The following PCDH15 variants were observed in gnomAD, a reference collection of about 807,000 sequenced individuals.
PCDH15 encodes the protein protocadherin related 15, also known as protocadherin-15.
Under a neutral mutation model 178.5 loss-of-function variants are expected in PCDH15, and 129 were observed. The ratio of observed to expected loss-of-function variants is 0.72; its 90% confidence interval spans 0.63 to 0.84. The LOEUF is 0.84. PCDH15 is among the 40% of genes least tolerant of loss of function. The pLI is 0.00. For synonymous variants in PCDH15, 800 were observed against 732.0 expected (o/e 1.09, Z -1.50); for missense variants, 2,230 against 2,099.9 (o/e 1.06, Z -1.21).
intron 8 of PCDH15, among the ~76,000 whole-genome samples, chr10:54,306,599 T>G (rs2060485987): frequency 6.6e-6 from 1 of 152,006 alleles, no homozygotes; most frequent in South Asian, 2.1e-4. Flanking sequence ...TGATTTAATG[T>G]TAATATCATC....
chr10:55,529,264 G>A (rs1432983039), intron 2 of PCDH15, among the ~76,000 whole-genome samples: 1 of 152,032 alleles, frequency 6.6e-6, no homozygotes, highest in African/African-American at 2.4e-5. Flanking sequence ...GGCTTTTGTT[G>A]TCATTGCTTC....
chr10:53,949,736 A>C (rs1673785407), intron 23 of PCDH15, among the ~76,000 whole-genome samples: 2 of 152,074 alleles, frequency 1.3e-5, no homozygotes, highest in African/African-American at 4.8e-5. Flanking sequence ...AAAAGAAAAA[A>C]AAAATGATGG....
intron 23 of PCDH15, among the ~76,000 whole-genome samples, chr10:53,942,916 G>C (rs946098865): frequency 2.0e-5 from 3 of 152,104 alleles, no homozygotes; most frequent in Non-Finnish European, 4.4e-5. Context: ...ACTAATATTT[G>C]AACAATGGAT....
chr10:55,626,611 A>G (rs2132177804), intron 2 of PCDH15, among the ~76,000 whole-genome samples: 1 of 152,326 alleles, frequency 6.6e-6, no homozygotes, highest in African/African-American at 2.4e-5. Flanking sequence ...CGTAAATTGT[A>G]ATATTGATTT....
chr10:54,389,014 T>C (rs1313287572), intron 3 of PCDH15, among the ~76,000 whole-genome samples: 1 of 152,172 alleles, frequency 6.6e-6, no homozygotes, highest in Non-Finnish European at 1.5e-5. Flanking sequence ...TGCTATCTTC[T>C]TGAGCCCACA....
chr10:54,348,270 A>G (rs182763123), intron 5 of PCDH15, among the ~76,000 whole-genome samples: 1 of 152,330 alleles, frequency 6.6e-6, no homozygotes, highest in Non-Finnish European at 1.5e-5. Context: ...CTTAAAAATA[A>G]ACCATAAGTA....
chr10:53,933,875 G>A (rs1444039043), intron 25 of PCDH15, among the ~76,000 whole-genome samples: 1 of 152,290 alleles, frequency 6.6e-6, no homozygotes, highest in African/African-American at 2.4e-5. Context: ...TCTAACTGGT[G>A]TGAGATGGTA....
At chr10:54,675,196 T>C (rs1021424604) in intron 1 of PCDH15, among the ~76,000 whole-genome samples, 3 of 152,060 alleles carry the variant, frequency 2.0e-5, no homozygotes, top group Admixed American at 6.5e-5. Context: ...ACTGCCTGTA[T>C]AATATTGTAT....
upstream of PCDH15, among the ~76,000 whole-genome samples, chr10:55,322,290 A>G (rs1843920911): frequency 6.6e-6 from 1 of 152,162 alleles, no homozygotes; most frequent in Admixed American, 6.5e-5. Flanking sequence ...TGGAACTGTA[A>G]GTCCATTAAA....
intron 8 of PCDH15, among the ~76,000 whole-genome samples, chr10:54,281,721 C>T (rs1165516934): frequency 1.3e-5 from 2 of 151,774 alleles, no homozygotes; most frequent in Non-Finnish European, 2.9e-5. Flanking sequence ...GAGCTCTATA[C>T]TAGGAAAGAT....
chr10:54,718,526 C>A (rs1043366157), intron 1 of PCDH15, among the ~76,000 whole-genome samples: 6 of 151,908 alleles, frequency 3.9e-5, no homozygotes, highest in African/African-American at 9.7e-5. Context: ...ACAAATCATA[C>A]ATTATAGACA....
At chr10:54,344,921 A>G (rs941371158) in intron 6 of PCDH15, among the ~76,000 whole-genome samples, 1 of 147,368 alleles carries the variant, frequency 6.8e-6, no homozygotes, top group Non-Finnish European at 1.5e-5. Context: ...AAAAAAAAAA[A>G]AAAAACAAGA....
chr10:55,109,992 T>C (rs1183718631), intron 2 of PCDH15, among the ~76,000 whole-genome samples: 1 of 151,670 alleles, frequency 6.6e-6, no homozygotes, highest in Middle Eastern at 3.5e-3. Context: ...CTTTCACATA[T>C]TGAAATCTAT....
chr10:54,700,554 C>T (rs988414603), intron 1 of PCDH15, among the ~76,000 whole-genome samples: 5 of 152,052 alleles, frequency 3.3e-5, no homozygotes, highest in African/African-American at 9.7e-5. Context: ...AAACTCACTT[C>T]AATAATTTCA....
intron 2 of PCDH15, among the ~76,000 whole-genome samples, chr10:54,546,741 G>A (rs2085899885): frequency 6.6e-6 from 1 of 152,098 alleles, no homozygotes; most frequent in Non-Finnish European, 1.5e-5. Flanking sequence ...GATATGCCTT[G>A]TTATCAGTGT....
At chr10:55,153,892 T>C (rs1009240309) in intron 2 of PCDH15, among the ~76,000 whole-genome samples, 2 of 152,206 alleles carry the variant, frequency 1.3e-5, no homozygotes, top group African/African-American at 4.8e-5. Flanking sequence ...CAGCAAAGCA[T>C]TGTGAGCCAG....
At chr10:54,984,006 C>A (rs1839304704) in intron 2 of PCDH15, among the ~76,000 whole-genome samples, 1 of 152,094 alleles carries the variant, frequency 6.6e-6, no homozygotes, top group Admixed American at 6.5e-5. Context: ...GAGGAGGAGG[C>A]ACCTAGAAAG....
At position 54,909,521 on chromosome 10, in the gene PCDH15, T is replaced by C. The variant is rs551577942; in HGVS notation, c.-79-12021A>G. On this transcript the variant is annotated intron_variant, in intron 2 of 5. Transcript: ENST00000458638. ...GACTGGCCTCATCTTTGCTCCCTGA[T>C]TGAGCAGGCCCAACTGTGGGGAGAA... 3.9e-5 allele frequency among the ~76,000 whole-genome samples: 6 copies of C among 152,240 alleles called. No homozygotes were observed. In the South Asian group the frequency reaches 1.0e-3, roughly 26 times the overall value.
intron 19 of PCDH15, among the ~76,000 whole-genome samples, chr10:54,021,199 G>A (rs2092910666): frequency 6.6e-6 from 1 of 152,036 alleles, no homozygotes; most frequent in African/African-American, 2.4e-5. Context: ...TGGGAGTCTT[G>A]TAGAATGGCT....
Sources: gnomAD v4.1 joint callset for allele counts (sites outside exome capture counted in the v4.1 genomes callset) on GRCh38, gnomAD v4.1.1 for gene constraint, MANE v1.5 for transcripts, NCBI Gene and HGNC (gene_info 2026-07-23, HGNC 2026-07-21) for gene names.